SSH2: variants seen among roughly 807,000 people sequenced by gnomAD.
SSH2 encodes protein phosphatase Slingshot homolog 2.
SSH2 carries 37 observed loss-of-function variants against 135.2 expected under a neutral mutation model. The observed-to-expected ratio is 0.27, with a 90% CI of 0.21 to 0.36. The LOEUF (loss-of-function observed/expected upper bound fraction) is 0.36. Among genes scored for constraint, SSH2 ranks in the 10% least tolerant of loss-of-function variants. The pLI is 1.00. For missense variants in SSH2, 1,408 were observed against 1,765.3 expected (o/e 0.80, Z 3.63); for synonymous variants, 628 against 646.2 (o/e 0.97, Z 0.43).
intron 5 of SSH2, among the ~76,000 whole-genome samples, chr17:29,694,778 T>C (rs1464084038): frequency 6.6e-6 from 1 of 152,208 alleles, no homozygotes; most frequent in Non-Finnish European, 1.5e-5. Flanking sequence ...AATGTATCTC[T>C]GGCCTATACA....
chr17:29,775,821 T>C (rs1371397307), intron 3 of SSH2: 1 of 152,184 alleles, frequency 6.6e-6, no homozygotes, highest in Non-Finnish European at 1.5e-5. Flanking sequence ...ATTTTAAACA[T>C]AACCTGAAAA....
intron 2 of SSH2, among the ~76,000 whole-genome samples, chr17:29,815,224 A>G (rs2042535801): frequency 6.6e-6 from 1 of 150,780 alleles, no homozygotes; most frequent in Non-Finnish European, 1.5e-5. Flanking sequence ...TCCTGGATTC[A>G]AGTGATCCCC....
At position 29,712,245 on chromosome 17, in the gene SSH2, C is replaced by T. The variant is rs541158195; in HGVS notation, c.189-9183G>A. Reference sequence around the variant, plus strand: ...GAGGAGGGATGACTTTGAGTTCTGTCTGTCCTTTGTCCACAAGGAAATTCC... The same window carrying T: ...GAGGAGGGATGACTTTGAGTTCTGTTTGTCCTTTGTCCACAAGGAAATTCC... On this transcript the variant is annotated intron_variant, in intron 3 of 15. Coordinates refer to ENST00000540801, the MANE Select transcript of SSH2 (RefSeq NM_001282129.2). Among the ~76,000 whole-genome samples, 3 of 152,274 alleles carry T rather than the reference C, an allele frequency of 2.0e-5. No individual in the cohort carries two copies. The South Asian group carries it at 6.2e-4, about 32-fold the overall frequency.
intron 11 of SSH2, among the ~76,000 whole-genome samples, chr17:29,659,049 CATA>C (rs958754845): frequency 2.1e-4 from 32 of 152,038 alleles, no homozygotes; most frequent in African/African-American, 7.5e-4. Context: ...ATATGCTACA[CATA>C]ATTTTTTATT....
intron 1 of SSH2, among the ~76,000 whole-genome samples, chr17:29,887,866 T>A (rs1241168046): frequency 3.9e-5 from 6 of 152,354 alleles, no homozygotes; most frequent in Admixed American, 2.0e-4. Flanking sequence ...CATTTCCTTA[T>A]CTTTTATAAA....
At chr17:29,676,544 C>T (rs1376676761) in intron 8 of SSH2, 6 of 334,970 alleles carry the variant, frequency 1.8e-5, no homozygotes, top group East Asian at 6.4e-5. Flanking sequence ...TAATAAAACT[C>T]GGTATCAACT....
At chr17:29,926,238 G>C (rs2067062129) in intron 1 of SSH2, among the ~76,000 whole-genome samples, 1 of 151,860 alleles carries the variant, frequency 6.6e-6, no homozygotes, top group Non-Finnish European at 1.5e-5. Context: ...ATATCTACTA[G>C]ATCAATTTTC....
At chr17:29,735,653 C>T (rs749727952) in intron 3 of SSH2, among the ~76,000 whole-genome samples, 1 of 147,250 alleles carries the variant, frequency 6.8e-6, no homozygotes, top group South Asian at 2.2e-4. Context: ...GTCGAGATCG[C>T]GTCACTGCAC....
At chr17:29,759,415 A>T (rs558717616) in intron 3 of SSH2, among the ~76,000 whole-genome samples, 25 of 152,282 alleles carry the variant, frequency 1.6e-4, no homozygotes, top group African/African-American at 5.8e-4. Context: ...ACTGGCCATG[A>T]ATATACATAG....
chr17:29,887,507 G>A (rs953636150), intron 1 of SSH2, among the ~76,000 whole-genome samples: 3 of 152,236 alleles, frequency 2.0e-5, no homozygotes, highest in Admixed American at 6.5e-5. Context: ...CTCTGAAGTC[G>A]GATTGCCTGG....
chr17:29,834,436 C>G (rs2042910540), intron 2 of SSH2, among the ~76,000 whole-genome samples: 1 of 151,990 alleles, frequency 6.6e-6, no homozygotes, highest in African/African-American at 2.4e-5. Context: ...ATATATATAC[C>G]TACTATGTAT....
chr17:29,677,813 T>G, intron 6 of SSH2, 72 bp from the exon 7 acceptor site: 1 of 1,181,352 alleles, frequency 8.5e-7, no homozygotes, highest in Non-Finnish European at 1.3e-6. Flanking sequence ...TACTAACTCT[T>G]TCAACACCAA....
intron 2 of SSH2, among the ~76,000 whole-genome samples, chr17:29,809,478 G>A (rs941976039): frequency 7.9e-5 from 12 of 151,964 alleles, no homozygotes; most frequent in Middle Eastern, 3.2e-3. Context: ...ATACCACTCC[G>A]TCTTGTCTCA....
intron 5 of SSH2, among the ~76,000 whole-genome samples, chr17:29,691,020 G>T (rs2038450944): frequency 6.6e-6 from 1 of 151,484 alleles, no homozygotes; most frequent in Non-Finnish European, 1.5e-5. Flanking sequence ...TATCCAAATT[G>T]CTGAGAACGA....
At chr17:29,852,605 A>G (rs562153569) in intron 1 of SSH2, among the ~76,000 whole-genome samples, 1 of 150,430 alleles carries the variant, frequency 6.6e-6, no homozygotes, top group African/African-American at 2.5e-5. Context: ...AGGCTGGAGT[A>G]CAGTGGCGCA....
At chr17:29,682,711 G>A (rs1210795516) in intron 6 of SSH2, among the ~76,000 whole-genome samples, 1 of 152,188 alleles carries the variant, frequency 6.6e-6, no homozygotes. Flanking sequence ...CATATGGTTA[G>A]TGGCTACTAT....
intron 4 of SSH2, among the ~76,000 whole-genome samples, 165 bp downstream of exon 4, chr17:29,702,794 G>A (rs577398266): frequency 2.6e-5 from 4 of 152,128 alleles, no homozygotes; most frequent in East Asian, 1.9e-4. Flanking sequence ...TTTGCGAAGC[G>A]CTAAAAAAAT....
intron 1 of SSH2, among the ~76,000 whole-genome samples, chr17:29,912,826 T>G (rs1437841713): frequency 6.6e-6 from 1 of 152,116 alleles, no homozygotes. Context: ...CTGGCAATAC[T>G]GGGTCTACAC....
At chr17:29,703,188 A>C (rs1348662011) in intron 3 of SSH2, 126 bp from the exon 4 acceptor site, 16 of 680,766 alleles carry the variant, frequency 2.4e-5, no homozygotes, top group Non-Finnish European at 3.4e-5. Flanking sequence ...CGAAGTAAAA[A>C]CATAATCAAG....
Sources: allele counts gnomAD v4.1 joint callset (sites outside exome capture counted in the v4.1 genomes callset), GRCh38; gene constraint gnomAD v4.1.1; transcripts MANE v1.5; gene names NCBI Gene and HGNC (gene_info 2026-07-23, HGNC 2026-07-21).